The following ASPM variants were observed in gnomAD, a reference collection of about 807,000 sequenced individuals.
The protein encoded by ASPM is abnormal spindle-like microcephaly-associated protein.
Under a neutral mutation model 366.4 loss-of-function variants are expected in ASPM, and 256 were observed. The observed-to-expected ratio is 0.70, with a 90% CI of 0.63 to 0.77. The LOEUF is 0.77. ASPM is among the 30% of genes least tolerant of loss of function. ASPM has a pLI of 0.00. For synonymous variants in ASPM, 1,414 were observed against 1,342.9 expected (o/e 1.05, Z -1.16); for missense variants, 4,146 against 4,090.4 (o/e 1.01, Z -0.37).
At chr1:197,132,226 T>C in intron 7 of ASPM, 59 bp downstream of exon 7, 2 of 1,315,772 alleles carry the variant, frequency 1.5e-6, no homozygotes, top group South Asian at 1.4e-5. Flanking sequence ...AATGAGTCTA[T>C]TCTACAAAAA....
intron 17 of ASPM, among the ~76,000 whole-genome samples, chr1:197,109,025 T>G (rs1319133806): frequency 6.8e-6 from 1 of 146,620 alleles, no homozygotes; most frequent in Non-Finnish European, 1.5e-5. Context: ...ATGATGAATA[T>G]GCTAATTGTC....
intron 17 of ASPM, 93 bp downstream of exon 17, chr1:197,117,696 T>C: frequency 8.9e-7 from 1 of 1,129,018 alleles, no homozygotes; most frequent in Non-Finnish European, 1.3e-6. Context: ...AATCCTAAAA[T>C]ATAATCATTG....
Position 197,100,726 on chromosome 1 carries a change from C to T in ASPM, c.8525G>A (p.Arg2842Gln), listed in dbSNP as rs373023853. ...AGCCATCTGAAGGAAGAACTGAATC[C>T]GTAGGGCAGCACATTTCTGTGTTTC... is the stretch of plus-strand genomic sequence containing the variant. ...KLETQKCAAL[R>Q]IQFFLQMAVY... The change falls in exon 18 of 28, where the codon CGG (arginine) becomes CAG (glutamine). Residue 2842 changes from arginine to glutamine, a missense_variant. Arg to Gln is a conservative substitution (Grantham distance 43). Around this residue, in one of 3 missense-constraint regions of ASPM, gnomAD observed 3,624 missense variants for 3,591.7 expected, o/e 1.01. Coordinates refer to ENST00000367409, the MANE Select transcript of ASPM (RefSeq NM_018136.5). 13 of 1,612,400 alleles carry T rather than the reference C, an allele frequency of 8.1e-6. No individual in the cohort carries two copies. The highest frequency in any genetic ancestry group is 8.0e-5 in the African/African-American group (6 of 74,886).
chr1:197,115,870 G>C (rs1657723304), intron 17 of ASPM, among the ~76,000 whole-genome samples: 1 of 152,138 alleles, frequency 6.6e-6, no homozygotes, highest in Non-Finnish European at 1.5e-5. Context: ...AGGGTCCTAG[G>C]ATTTTCAGAA....
At chr1:197,108,170 A>T (rs1657468624) in intron 17 of ASPM, among the ~76,000 whole-genome samples, 1 of 152,086 alleles carries the variant, frequency 6.6e-6, no homozygotes, top group African/African-American at 2.4e-5. Flanking sequence ...GAAACTTTAA[A>T]TCATAGAAAA....
Position 197,104,083 on chromosome 1 carries a change from T to G in ASPM, c.5168A>C (p.Glu1723Ala). ...AGATTCCCGCATCTGCATATACTCT[T>G]CTCTCTTTTGTGCAGCTATTTTTTT... The part of the protein sequence containing the change: ...RSKKIAAQKR[E>A]EYMQMRESCI... The change falls in exon 18 of 28, where the codon GAA becomes GCA. Residue 1723 changes from glutamate (E) to alanine (A), a missense_variant. This residue lies in a region of ASPM where 3,624 missense variants were observed against 3,591.7 expected (regional missense o/e 1.01). Coordinates refer to ENST00000367409, the MANE Select transcript of ASPM (RefSeq NM_018136.5). 2 of 1,613,012 alleles carry G rather than the reference T, an allele frequency of 1.2e-6. No homozygotes were observed. The highest frequency in any genetic ancestry group is 1.7e-6 in the Non-Finnish European group (2 of 1,179,442).
intron 10 of ASPM, among the ~76,000 whole-genome samples, chr1:197,126,875 C>A (rs1250800444): frequency 6.6e-6 from 1 of 152,180 alleles, no homozygotes; most frequent in South Asian, 2.1e-4. Context: ...GGTCCTCTGA[C>A]CTCTGCTTGA....
chr1:197,102,538 T>C lies in ASPM; in HGVS notation c.6713A>G (p.Lys2238Arg), dbSNP rs1657231430. Residue 2238 changes from lysine (K) to arginine (R), a missense_variant, in exon 18 of 28, where the codon AAA (lysine) becomes AGA (arginine). Transcript: ENST00000367409. ...ERNIQFQRYN[K>R]LRHSVIYIQA... ...AATGTATATTACAGAATGCCTCAGT[T>C]TGTTATACCTTTGAAATTGTATGTT... is the stretch of plus-strand genomic sequence containing the variant. 1.9e-6 allele frequency: 3 copies of C among 1,612,568 alleles called. No homozygotes were observed. The highest frequency in any genetic ancestry group is 2.5e-6 in the Non-Finnish European group (3 of 1,179,226).
chr1:197,124,809 G>A (rs1658033768), intron 12 of ASPM, 61 bp downstream of exon 12: 4 of 1,318,320 alleles, frequency 3.0e-6, no homozygotes, highest in Non-Finnish European at 3.3e-6. Context: ...GATTCAAATT[G>A]TTTTTATAAA....
At position 197,103,337 on chromosome 1, in the gene ASPM, T is replaced by C. The variant is rs1657269612; in HGVS notation, c.5914A>G (p.Lys1972Glu). 6.2e-7 allele frequency: 1 copy of C among 1,613,264 alleles called. No individual in the cohort carries two copies. Among genetic ancestry groups the C allele is most frequent in the Non-Finnish European group, 8.5e-7 (1 of 1,179,472 alleles). ...TLRRQLQRQH[K>E]CAIIIQSYYR... ...TATGACTGTATGATGATAGCACATT[T>C]ATGTTGCCTTTGAAGCTGTCTTCTC... Residue 1972 changes from lysine (K) to glutamate (E), a missense_variant, in exon 18 of 28, where the codon AAA (lysine) becomes GAA (glutamate). Lys to Glu is a moderately conservative substitution (Grantham distance 56). Coordinates refer to ENST00000367409, the MANE Select transcript of ASPM (RefSeq NM_018136.5).
rs2125094967 is a variant in ASPM at position 197,102,586 on chromosome 1, C to A, written c.6665G>T (p.Arg2222Ile). The A allele has an allele frequency of 6.2e-7, 1 of 1,612,202 alleles. No homozygotes were observed. The highest frequency in any genetic ancestry group is 1.1e-5 in the South Asian group (1 of 91,028). Residue 2222 changes from arginine to isoleucine, a missense_variant, in exon 18 of 28, where the codon AGA (arginine) becomes ATA (isoleucine). Physicochemically the swap from Arg to Ile is moderately conservative, Grantham distance 97. Coordinates refer to ENST00000367409, the MANE Select transcript of ASPM (RefSeq NM_018136.5). ...GTTTCTTTCTTTCATTGCCCAGTAT[C>A]TTTGCTGTACTGTTTTTGTTATTTT... ...LKKITKTVQQ[R>I]YWAMKERNIQ... is the part of the protein sequence containing the mutation.
intron 7 of ASPM, among the ~76,000 whole-genome samples, chr1:197,131,734 T>C (rs1658260624): frequency 6.6e-6 from 1 of 151,996 alleles, no homozygotes; most frequent in Non-Finnish European, 1.5e-5. Context: ...GATTTTTTTG[T>C]ATTTTTAGTA....
At chr1:197,128,070 C>G (rs985011912) in intron 10 of ASPM, among the ~76,000 whole-genome samples, 2 of 151,554 alleles carry the variant, frequency 1.3e-5, no homozygotes, top group African/African-American at 4.9e-5. Context: ...GAGGCTGAGG[C>G]AGGAGAATGG....
In ASPM at chr1:197,146,525, T is replaced by A. The variant is rs1658794314; in HGVS notation, c.-88A>T. 4 of 1,461,626 alleles carry A rather than the reference T, an allele frequency of 2.7e-6. No homozygotes were observed. Among genetic ancestry groups the A allele is most frequent in the Admixed American group, 3.5e-5 (2 of 56,372 alleles). 90.5% of individuals were successfully genotyped at this position (1,461,626 alleles called of 1,614,324 possible). On this transcript the variant is annotated 5_prime_UTR_variant, in exon 1 of 28. Coordinates refer to ENST00000367409, the MANE Select transcript of ASPM (RefSeq NM_018136.5). ...GGATCCGGGACTTACGCTGACCGCT[T>A]CCCCTCAGGGGCGGCTGTAGAGGTC...
At chr1:197,131,580 T>C (rs1293352694) in intron 7 of ASPM, among the ~76,000 whole-genome samples, 1 of 142,306 alleles carries the variant, frequency 7.0e-6, no homozygotes, top group Non-Finnish European at 1.5e-5. Flanking sequence ...TGAGAAGGAG[T>C]CTCGCTCTGT....
In ASPM at chr1:197,091,045, T is replaced by C. The variant is rs1656767783; in HGVS notation, c.9445-4A>G. The C allele has an allele frequency of 1.2e-6, 2 of 1,604,564 alleles. No homozygotes were observed. Among genetic ancestry groups the C allele is most frequent in the Non-Finnish European group, 1.7e-6 (2 of 1,173,104 alleles). On this transcript the variant is annotated splice_polypyrimidine_tract_variant and splice_region_variant and intron_variant, in intron 22 of 27. Coordinates refer to ENST00000367409, the MANE Select transcript of ASPM (RefSeq NM_018136.5). ...GTAATCTTGCTCGAAACCATCTCTG[T>C]TTAAAACATAGAATTTTGTTTTTCA... is the stretch of plus-strand genomic sequence containing the variant.
Position 197,134,976 on chromosome 1 carries a change from T to C in ASPM, c.2173+120A>G, listed in dbSNP as rs114887287. ...TTACCTATACAAGCATTTAGGCTAATGAACAGGGAATTATGCCATTAATTA... is the reference window on the plus strand; with the variant it reads ...TTACCTATACAAGCATTTAGGCTAACGAACAGGGAATTATGCCATTAATTA... On this transcript the variant is annotated intron_variant, in intron 5 of 27. Transcript: ENST00000367409. 25,205 of 839,280 alleles carry C rather than the reference T, an allele frequency of 0.03. 499 individuals are homozygous for C. Among genetic ancestry groups the C allele is most frequent in the Middle Eastern group, 0.053 (147 of 2,788 alleles). The allele number at this position is 839,280 out of a possible 1,614,324, so 52.0% of individuals were successfully genotyped here. A position where few individuals can be genotyped will look rare whatever the true frequency, so the allele number is the denominator to read the frequency against.
chr1:197,088,012 G>A (rs988925242), intron 26 of ASPM, among the ~76,000 whole-genome samples: 1 of 152,126 alleles, frequency 6.6e-6, no homozygotes. Context: ...TTTCTCTCTA[G>A]TAAATGGGAA....
chr1:197,107,103 A>G (rs1657437240), intron 17 of ASPM, among the ~76,000 whole-genome samples: 1 of 152,080 alleles, frequency 6.6e-6, no homozygotes, highest in African/African-American at 2.4e-5. Context: ...GAAACAAGGC[A>G]GCCCTGAGGA....
Sources: allele counts gnomAD v4.1 joint callset (sites outside exome capture counted in the v4.1 genomes callset), GRCh38; gene constraint gnomAD v4.1.1; regional missense constraint gnomAD v4.1.1; transcripts MANE v1.5; gene names NCBI Gene and HGNC (gene_info 2026-07-23, HGNC 2026-07-21).